The following DLC1 variants were observed in gnomAD, a reference collection of about 807,000 sequenced individuals.
The protein encoded by DLC1 is rho GTPase-activating protein 7.
A neutral mutation model predicts 140.3 loss-of-function variants in DLC1; 54 were observed. The observed-to-expected ratio is 0.38, with a 90% confidence interval of 0.31 to 0.48. DLC1 has a LOEUF of 0.48. Among genes scored for constraint, DLC1 ranks in the 20% least tolerant of loss-of-function variants. The probability of loss-of-function intolerance (pLI) is 0.96; values close to 1 mark genes in which losing one functional copy is unlikely to be tolerated. For synonymous variants in DLC1, 986 were observed against 728.1 expected, an observed-to-expected ratio of 1.35 and a Z score of -5.70; for missense variants, 2,536 against 1,907.0, an observed-to-expected ratio of 1.33 and a Z score of -6.14.
At chr8:13,570,652 T>C (rs1356174146) in intron 1 of DLC1, among the ~76,000 whole-genome samples, 1 of 151,542 alleles carries the variant, frequency 6.6e-6, no homozygotes. Flanking sequence ...TGCATAGTAT[T>C]CCATGGTGTA....
intron 4 of DLC1, among the ~76,000 whole-genome samples, chr8:13,390,254 A>T (rs1205335712): frequency 6.6e-6 from 1 of 152,132 alleles, no homozygotes; most frequent in Non-Finnish European, 1.5e-5. Flanking sequence ...TCCCCTCAAA[A>T]CAAAAGTGTA....
chr8:13,198,870 C>T (rs760661319), intron 5 of DLC1, among the ~76,000 whole-genome samples: 3 of 152,038 alleles, frequency 2.0e-5, no homozygotes, highest in African/African-American at 4.8e-5. Context: ...ATGTGCACCA[C>T]CACACCCAGC....
intron 1 of DLC1, among the ~76,000 whole-genome samples, chr8:13,543,131 A>G (rs185452196): frequency 1.3e-5 from 2 of 152,150 alleles, no homozygotes; most frequent in African/African-American, 2.4e-5. Flanking sequence ...TAAACCTTGC[A>G]TATTGTTGGT....
At chr8:13,383,794 G>C (rs146933045) in intron 4 of DLC1, among the ~76,000 whole-genome samples, 2 of 152,108 alleles carry the variant, frequency 1.3e-5, no homozygotes, top group Non-Finnish European at 2.9e-5. Flanking sequence ...GCCAATGTTC[G>C]AACACCAATA....
chr8:13,149,298 C>T (rs577854844), intron 5 of DLC1, among the ~76,000 whole-genome samples: 1 of 152,210 alleles, frequency 6.6e-6, no homozygotes, highest in Admixed American at 6.5e-5. Flanking sequence ...TGTTCTTTTC[C>T]TTCAATTTCT....
intron 1 of DLC1, among the ~76,000 whole-genome samples, chr8:13,556,303 A>G (rs1211141798): frequency 1.3e-5 from 2 of 152,150 alleles, no homozygotes; most frequent in Non-Finnish European, 2.9e-5. Flanking sequence ...ACTAGTCACA[A>G]AATCCTAGAG....
intron 5 of DLC1, chr8:13,214,642 T>G: frequency 1.3e-6 from 1 of 780,536 alleles, no homozygotes; most frequent in Non-Finnish European, 2.4e-6. Context: ...GATGTTTTCT[T>G]CTCCAGCAAC....
At chr8:13,584,748 A>T in intron 1 of DLC1, among the ~76,000 whole-genome samples, 1 of 152,162 alleles carries the variant, frequency 6.6e-6, no homozygotes, top group East Asian at 1.9e-4. Flanking sequence ...CCGAAGGGCA[A>T]CTTTCGCTCA....
chr8:13,265,572 G>A (rs900674878), intron 5 of DLC1, among the ~76,000 whole-genome samples: 1 of 152,164 alleles, frequency 6.6e-6, no homozygotes, highest in Non-Finnish European at 1.5e-5. Context: ...TGGGTGTCCA[G>A]TTTTGATCCA....
chr8:13,476,236 A>G (rs1800427317), intron 2 of DLC1, among the ~76,000 whole-genome samples: 1 of 152,226 alleles, frequency 6.6e-6, no homozygotes, highest in Admixed American at 6.5e-5. Context: ...CTTTCTGTGA[A>G]CATCCAATGA....
chr8:13,325,417 A>G (rs902740593), intron 4 of DLC1, among the ~76,000 whole-genome samples: 2 of 152,294 alleles, frequency 1.3e-5, no homozygotes, highest in East Asian at 1.9e-4. Flanking sequence ...CTTTCCAAAC[A>G]GGTAAACATG....
intron 4 of DLC1, among the ~76,000 whole-genome samples, chr8:13,387,853 A>T (rs1222363824): frequency 1.3e-5 from 2 of 152,054 alleles, no homozygotes; most frequent in Non-Finnish European, 2.9e-5. Context: ...TGTAGCAAAG[A>T]CGTTCGCATG....
chr8:13,485,406 C>G (rs1474309913), intron 2 of DLC1, among the ~76,000 whole-genome samples: 1 of 152,140 alleles, frequency 6.6e-6, no homozygotes, highest in Non-Finnish European at 1.5e-5. Flanking sequence ...TACTTGCCAC[C>G]CTACCCTATT....
intron 1 of DLC1, among the ~76,000 whole-genome samples, chr8:13,591,654 C>G (rs1322363537): frequency 6.6e-6 from 1 of 151,792 alleles, no homozygotes; most frequent in Non-Finnish European, 1.5e-5. Context: ...TTAATCTAGG[C>G]AAACAATGAT....
intron 2 of DLC1, among the ~76,000 whole-genome samples, chr8:13,495,988 C>T (rs920355505): frequency 5.3e-5 from 8 of 152,140 alleles, no homozygotes; most frequent in African/African-American, 1.9e-4. Flanking sequence ...ATTACAATTC[C>T]ATAACTAAAA....
chr8:13,604,461 A>G (rs1451445932), intron 1 of DLC1: 2 of 152,178 alleles, frequency 1.3e-5, no homozygotes, highest in African/African-American at 4.8e-5. Context: ...TAACATGCAA[A>G]CTACTAACAT....
rs188567479 is a variant in DLC1, at chr8:13,527,579, A to C, written c.-125-27383T>G. ...TGTTATTGATTTCTAATTTACTTCCATTATGGTTGGAGAACCTACTATGGA... is the reference window on the plus strand; with the variant it reads ...TGTTATTGATTTCTAATTTACTTCCCTTATGGTTGGAGAACCTACTATGGA... On this transcript the variant is annotated intron_variant, in intron 1 of 1. Transcript: ENST00000631382. Among the ~76,000 whole-genome samples, 223 of 152,218 alleles carry C rather than the reference A, an allele frequency of 1.5e-3. 1 individual carries two copies. The highest frequency in any genetic ancestry group is 5.1e-3 in the African/African-American group (213 of 41,554).
chr8:13,570,816 A>G (rs911267309), intron 1 of DLC1, among the ~76,000 whole-genome samples: 5 of 152,096 alleles, frequency 3.3e-5, no homozygotes, highest in Non-Finnish European at 7.4e-5. Flanking sequence ...TCAAAAGTTG[A>G]AAGAATATTA....
At chr8:13,242,990 C>G (rs1463470765) in intron 5 of DLC1, among the ~76,000 whole-genome samples, 1 of 151,778 alleles carries the variant, frequency 6.6e-6, no homozygotes, top group Non-Finnish European at 1.5e-5. Flanking sequence ...CCTTGTTGTT[C>G]TCGTGATGGT....
Sources: gnomAD v4.1 joint callset for allele counts (sites outside exome capture counted in the v4.1 genomes callset) on GRCh38, gnomAD v4.1.1 for gene constraint, MANE v1.5 for transcripts, NCBI Gene and HGNC (gene_info 2026-07-23, HGNC 2026-07-21) for gene names.